SYNRG: variants seen among roughly 807,000 people sequenced by gnomAD.
SYNRG encodes synergin gamma, also known as AP1 gamma subunit binding protein 1.
SYNRG carries 37 observed loss-of-function variants against 130.9 expected under a neutral mutation model. The observed-to-expected ratio is 0.28, with a 90% CI of 0.22 to 0.37. The LOEUF is 0.37. Ranked by LOEUF, SYNRG falls within the 10% of genes least tolerant of loss-of-function variation. The probability of loss-of-function intolerance (pLI) is 1.00; values close to 1 mark genes in which losing one functional copy is unlikely to be tolerated. For missense variants in SYNRG, 1,338 were observed against 1,588.9 expected (o/e 0.84, Z 2.68); for synonymous variants, 539 against 568.1 (o/e 0.95, Z 0.73).
chr17:37,560,983 T>C (rs1232964931), intron 13 of SYNRG, among the ~76,000 whole-genome samples: 1 of 152,176 alleles, frequency 6.6e-6, no homozygotes, highest in Non-Finnish European at 1.5e-5. Context: ...GTTGCTATTA[T>C]TAAGGTTTTT....
chr17:37,520,677 G>C lies in SYNRG; in HGVS notation c.3667-29C>G, dbSNP rs754401242. On this transcript the variant is annotated intron_variant, in intron 19 of 21. Coordinates refer to ENST00000612223, the MANE Select transcript of SYNRG (RefSeq NM_007247.6). ...TGAGGACGACAAGACAAATGGGTAAGAAGTCCACAAGTCCACACGCTGTTC... is the reference window on the plus strand; with the variant it reads ...TGAGGACGACAAGACAAATGGGTAACAAGTCCACAAGTCCACACGCTGTTC... The C allele has an allele frequency of 2.5e-6, 4 of 1,592,656 alleles. No homozygotes were observed. The Admixed American group carries it at 5.0e-5, about 20-fold the overall frequency.
intron 20 of SYNRG, 35 bp from the exon 21 acceptor site, chr17:37,520,249 T>C (rs767969062): frequency 5.6e-6 from 9 of 1,613,994 alleles, no homozygotes; most frequent in South Asian, 2.2e-5. Context: ...TCAACAACAT[T>C]CCCAGAACAG....
chr17:37,590,759 A>G (rs1382359575), intron 3 of SYNRG, among the ~76,000 whole-genome samples: 1 of 152,024 alleles, frequency 6.6e-6, no homozygotes, highest in Non-Finnish European at 1.5e-5. Flanking sequence ...CATCTCTACT[A>G]AAATACAAAA....
chr17:37,520,756 C>CTG, intron 19 of SYNRG, 108 bp from the exon 20 acceptor site: 1 of 794,782 alleles, frequency 1.3e-6, no homozygotes, highest in Admixed American at 2.1e-5. Flanking sequence ...GTACAGTACT[C>CTG]TAACACCACC....
rs567629546 is a variant in SYNRG at position 37,533,566 on chromosome 17, A to G, written c.3666+2413T>C. 1.2e-4 allele frequency among the ~76,000 whole-genome samples: 18 copies of G among 150,244 alleles called. No individual in the cohort carries two copies. In the South Asian group the frequency reaches 2.7e-3, roughly 23 times the overall value. On this transcript the variant is annotated intron_variant, in intron 19 of 21. Coordinates refer to ENST00000612223, the MANE Select transcript of SYNRG (RefSeq NM_007247.6). ...TTTAAAAAAGATTTCTAATTTCATT[A>G]TATTTTCTTTCTTTTCTTTTTCTTT...
chr17:37,578,515 ATAAGATAACACTTCCAC>A (rs1239276123), intron 6 of SYNRG, among the ~76,000 whole-genome samples: 2 of 152,200 alleles, frequency 1.3e-5, no homozygotes, highest in Admixed American at 1.3e-4. Flanking sequence ...GACAACCTAC[ATAAGATAACACTTCCAC>A]TAACTCCTAG....
intron 19 of SYNRG, chr17:37,529,926 A>C: frequency 3.8e-6 from 5 of 1,325,612 alleles, no homozygotes; most frequent in Non-Finnish European, 2.1e-6. Context: ...CTGCAGTAAG[A>C]ACCGATTGCC....
At chr17:37,531,622 CA>C (rs1568283057) in intron 19 of SYNRG, among the ~76,000 whole-genome samples, 1 of 151,946 alleles carries the variant, frequency 6.6e-6, no homozygotes, top group African/African-American at 2.4e-5. Context: ...ACAAAAAATA[CA>C]AAAACATTGG....
At position 37,609,350 on chromosome 17, in the gene SYNRG, C is replaced by T. The variant is rs1199361741; in HGVS notation, c.6G>A (p.Ala2=). ...CACCAGAACCAGCTCCTGGCCGCAGCGCCATCTTGCTCCCGACCTGCCGCT... is the reference window on the plus strand; with the variant it reads ...CACCAGAACCAGCTCCTGGCCGCAGTGCCATCTTGCTCCCGACCTGCCGCT... M[A]LRPGAGSGGG... Residue 2 remains alanine, a synonymous_variant, in exon 1 of 22, where the codon GCG becomes GCA. Coordinates refer to ENST00000612223, the MANE Select transcript of SYNRG (RefSeq NM_007247.6). 50 of 1,450,840 alleles carry T rather than the reference C, an allele frequency of 3.4e-5. No homozygotes were observed. The highest frequency in any genetic ancestry group is 4.3e-5 in the Non-Finnish European group (48 of 1,108,126). 89.9% of individuals were successfully genotyped at this position (1,450,840 alleles called of 1,614,324 possible). A position where few individuals can be genotyped will look rare whatever the true frequency, so the allele number is the denominator to read the frequency against.
rs1016022362 is a variant in SYNRG, at chr17:37,516,538, T to C, written c.*2402A>G. ...GAGGCATTCTGGAATTTCTCAGGAA[T>C]AGAAACCAGCCCAGCTACCAAGTGA... On this transcript the variant is annotated 3_prime_UTR_variant, in exon 22 of 22. Coordinates refer to ENST00000612223, the MANE Select transcript of SYNRG (RefSeq NM_007247.6). The C allele has an allele frequency of 5.3e-5, 8 of 152,082 alleles. No homozygotes were observed. The highest frequency in any genetic ancestry group is 1.3e-4 in the Admixed American group (2 of 15,274). 9.4% of individuals were successfully genotyped at this position (152,082 alleles called of 1,614,324 possible).
intron 7 of SYNRG, 79 bp downstream of exon 7, chr17:37,577,301 G>A (rs912685107): frequency 1.5e-6 from 2 of 1,298,902 alleles, no homozygotes; most frequent in South Asian, 1.3e-5. Flanking sequence ...GCATTCATTT[G>A]AAGATTAATG....
intron 11 of SYNRG, among the ~76,000 whole-genome samples, chr17:37,562,597 A>C (rs1394799433): frequency 6.6e-6 from 1 of 152,240 alleles, no homozygotes. Context: ...GTGGCTTACA[A>C]GCAAGGTAAA....
At chr17:37,530,635 T>C (rs1390913615) in intron 19 of SYNRG, among the ~76,000 whole-genome samples, 1 of 152,230 alleles carries the variant, frequency 6.6e-6, no homozygotes. Context: ...TTAGTCATCA[T>C]AACAGTTAAC....
chr17:37,605,732 G>A (rs1331532968), intron 1 of SYNRG: 2 of 867,582 alleles, frequency 2.3e-6, no homozygotes, highest in Non-Finnish European at 1.4e-6. Flanking sequence ...AACTGGGCAG[G>A]AAGGTGACCA....
rs2145924829 is a variant in SYNRG, at chr17:37,568,941, C to T, written c.1348-17G>A. On this transcript the variant is annotated splice_polypyrimidine_tract_variant and intron_variant, in intron 10 of 21. Coordinates refer to ENST00000612223, the MANE Select transcript of SYNRG (RefSeq NM_007247.6). ...CTTTACTACCTAGGTTTATAAAGGTCATTTAAATAAATAGCACTGACTGAC... is the reference window on the plus strand; with the variant it reads ...CTTTACTACCTAGGTTTATAAAGGTTATTTAAATAAATAGCACTGACTGAC... 2 of 1,603,550 alleles carry T rather than the reference C, an allele frequency of 1.2e-6. No individual in the cohort carries two copies. Among genetic ancestry groups the T allele is most frequent in the Non-Finnish European group, 1.7e-6 (2 of 1,175,998 alleles).
intron 6 of SYNRG, chr17:37,579,411 T>C (rs2061110258): frequency 3.1e-6 from 4 of 1,304,242 alleles, no homozygotes; most frequent in Non-Finnish European, 3.0e-6. Flanking sequence ...ACAGTTTTAG[T>C]AGAATGAGAT....
chr17:37,573,995 T>C (rs2060628435), intron 8 of SYNRG, among the ~76,000 whole-genome samples: 1 of 152,180 alleles, frequency 6.6e-6, no homozygotes, highest in African/African-American at 2.4e-5. Flanking sequence ...TACTGTATAT[T>C]ACCTGACTTC....
intron 13 of SYNRG, among the ~76,000 whole-genome samples, chr17:37,556,468 T>TA (rs1261194378): frequency 1.4e-5 from 2 of 147,142 alleles, no homozygotes; most frequent in African/African-American, 5.0e-5. Context: ...AATAAATAAA[T>TA]AAAATAAAAA....
chr17:37,592,623 A>G (rs1419128635), intron 3 of SYNRG, among the ~76,000 whole-genome samples: 1 of 152,236 alleles, frequency 6.6e-6, no homozygotes, highest in Non-Finnish European at 1.5e-5. Context: ...ACATGCAACA[A>G]TTTGGATGAA....
Sources: gnomAD v4.1 joint callset for allele counts (sites outside exome capture counted in the v4.1 genomes callset) on GRCh38, gnomAD v4.1.1 for gene constraint, MANE v1.5 for transcripts, NCBI Gene and HGNC (gene_info 2026-07-23, HGNC 2026-07-21) for gene names.